DACH2: variants seen among roughly 807,000 people sequenced by gnomAD.
DACH2 encodes the protein dachshund family transcription factor 2.
In DACH2, 17 loss-of-function variants were observed where a neutral mutation model predicts 35.8. The ratio of observed to expected loss-of-function variants is 0.48; its 90% CI spans 0.33 to 0.71. The LOEUF is 0.71. Among genes scored for constraint, DACH2 ranks in the 30% least tolerant of loss-of-function variants. DACH2 has a pLI of 0.02. For missense variants in DACH2, 469 were observed against 472.7 expected, an observed-to-expected ratio of 0.99 and a Z score of 0.07; for synonymous variants, 195 against 177.3, an observed-to-expected ratio of 1.10 and a Z score of -0.79.
intron 3 of DACH2, among the ~76,000 whole-genome samples, chrX:86,641,641 A>G (rs1393486772): frequency 9.0e-6 from 1 of 111,723 alleles, no homozygotes; most frequent in Non-Finnish European, 1.9e-5. Context: ...ACTCCCCAAG[A>G]CACATAACCA....
chrX:86,574,650 A>C (rs1359410325), intron 3 of DACH2, among the ~76,000 whole-genome samples: 3 of 111,875 alleles, frequency 2.7e-5, no homozygotes, highest in African/African-American at 9.7e-5. Flanking sequence ...TAAGTATTTT[A>C]AATATTAAAA....
intron 4 of DACH2, among the ~76,000 whole-genome samples, chrX:86,680,322 C>T (rs909298367): frequency 2.7e-5 from 3 of 111,594 alleles, no homozygotes; most frequent in African/African-American, 9.8e-5. Flanking sequence ...TGTAAACATC[C>T]ATCTATTGTG....
intron 4 of DACH2, 127 bp downstream of exon 4, chrX:86,651,294 T>TG: frequency 1.6e-6 from 1 of 643,367 alleles, no homozygotes; most frequent in Non-Finnish European, 2.2e-6. Flanking sequence ...TCAAGAGGGA[T>TG]GATTAGCTCT....
intron 5 of DACH2, among the ~76,000 whole-genome samples, chrX:86,713,733 C>T (rs892511302): frequency 3.0e-4 from 33 of 111,521 alleles, no homozygotes; most frequent in African/African-American, 1.1e-3. Context: ...CTACAAATTT[C>T]AGCCTATTAA....
chrX:86,774,559 T>A (rs1372090343), intron 7 of DACH2, among the ~76,000 whole-genome samples: 2 of 111,768 alleles, frequency 1.8e-5, no homozygotes, highest in Non-Finnish European at 3.8e-5. Context: ...CCAAGGGAAA[T>A]GATCATATTA....
At chrX:86,301,673 G>A (rs189304504) in intron 1 of DACH2, among the ~76,000 whole-genome samples, 2 of 111,801 alleles carry the variant, frequency 1.8e-5, no homozygotes, top group East Asian at 2.8e-4. Flanking sequence ...TTGAAAAAAT[G>A]TAATTACACT....
intron 2 of DACH2, among the ~76,000 whole-genome samples, chrX:86,476,771 G>A (rs1332233850): frequency 1.8e-5 from 2 of 110,886 alleles, no homozygotes; most frequent in Non-Finnish European, 3.8e-5. Flanking sequence ...TTCTTTTTAT[G>A]GTGTAGGCAC....
At chrX:86,753,222 T>G (rs1042191388) in intron 7 of DACH2, among the ~76,000 whole-genome samples, 2 of 111,671 alleles carry the variant, frequency 1.8e-5, no homozygotes, top group Non-Finnish European at 3.8e-5. Flanking sequence ...TAAGGATGTT[T>G]GAGAACTATA....
chrX:86,171,376 AC>A (rs946908803), intron 1 of DACH2, among the ~76,000 whole-genome samples: 2 of 108,932 alleles, frequency 1.8e-5, no homozygotes, highest in African/African-American at 6.7e-5. Context: ...CCCCGCAACC[AC>A]CCCCAGTCCA....
chrX:86,299,713 A>C (rs776982375), intron 1 of DACH2, among the ~76,000 whole-genome samples: 1 of 111,641 alleles, frequency 9.0e-6, no homozygotes, highest in African/African-American at 3.2e-5. Flanking sequence ...CAAATGAAGA[A>C]GCAAAAATTT....
At chrX:86,445,706 T>C (rs1464588664) in intron 2 of DACH2, among the ~76,000 whole-genome samples, 1 of 110,427 alleles carries the variant, frequency 9.1e-6, no homozygotes, top group African/African-American at 3.3e-5. Flanking sequence ...TAGTGTTATG[T>C]CACTGTGGTA....
At chrX:86,706,797 TGAC>T (rs1156805934) in intron 5 of DACH2, among the ~76,000 whole-genome samples, 1 of 108,601 alleles carries the variant, frequency 9.2e-6, no homozygotes, top group African/African-American at 3.3e-5. Context: ...TTAAAGTAAA[TGAC>T]AATAAAAATA....
chrX:86,246,177 G>A (rs186394521), intron 1 of DACH2, among the ~76,000 whole-genome samples: 88 of 111,761 alleles, frequency 7.9e-4, no homozygotes, highest in Admixed American at 1.5e-3. Context: ...TATATAAAGG[G>A]ACCAATCATA....
intron 1 of DACH2, among the ~76,000 whole-genome samples, chrX:86,310,347 G>C (rs189675115): frequency 1.8e-5 from 2 of 111,668 alleles, no homozygotes; most frequent in Admixed American, 1.9e-4. Flanking sequence ...AAATGCCCAT[G>C]GTCTTTTCAC....
intron 3 of DACH2, among the ~76,000 whole-genome samples, chrX:86,528,457 G>C (rs1296277620): frequency 9.0e-6 from 1 of 111,671 alleles, no homozygotes; most frequent in Non-Finnish European, 1.9e-5. Flanking sequence ...CTGGCCACAA[G>C]AGATAAAAGA....
intron 2 of DACH2, among the ~76,000 whole-genome samples, chrX:86,457,548 A>G (rs1182847294): frequency 8.9e-6 from 1 of 112,603 alleles, no homozygotes; most frequent in East Asian, 2.8e-4. Context: ...CAAAATATTT[A>G]TTGAAAACTT....
At chrX:86,775,367 C>T (rs2147300281) in intron 7 of DACH2, among the ~76,000 whole-genome samples, 1 of 111,444 alleles carries the variant, frequency 9.0e-6, no homozygotes, top group East Asian at 2.9e-4. Flanking sequence ...GAGCATTACT[C>T]CTCGAGCCCC....
At chrX:86,155,378 A>G (rs1241908395) in intron 1 of DACH2, among the ~76,000 whole-genome samples, 1 of 111,076 alleles carries the variant, frequency 9.0e-6, no homozygotes, top group Non-Finnish European at 1.9e-5. Flanking sequence ...CTTGCTAATT[A>G]TTTGTAAGTC....
intron 1 of DACH2, among the ~76,000 whole-genome samples, chrX:86,344,542 A>G (rs987458912): frequency 9.1e-6 from 1 of 110,475 alleles, no homozygotes; most frequent in South Asian, 3.8e-4. Flanking sequence ...GAGAAATCAT[A>G]CCTTTTAGTT....
Sources: allele counts gnomAD v4.1 joint callset (sites outside exome capture counted in the v4.1 genomes callset), GRCh38; gene constraint gnomAD v4.1.1; transcripts MANE v1.5; gene names NCBI Gene and HGNC (gene_info 2026-07-23, HGNC 2026-07-21).